The following CHD1L variants were observed in gnomAD, a reference collection of about 807,000 sequenced individuals.
The protein encoded by CHD1L is chromodomain helicase DNA binding protein 1 like, also known as ATP-dependent chromatin remodeler CHD1L.
CHD1L carries 118 observed loss-of-function variants against 115.9 expected under a neutral mutation model. The ratio of observed to expected loss-of-function variants is 1.02; its 90% CI spans 0.88 to 1.19. The LOEUF is 1.19. Ranked by LOEUF, CHD1L falls within the 50% of genes most tolerant of loss-of-function variation. The pLI, the probability that CHD1L is intolerant of heterozygous loss-of-function variation, is 0.00. For missense variants in CHD1L, 1,179 were observed against 1,065.3 expected (o/e 1.11, Z -1.49); for synonymous variants, 411 against 387.1 (o/e 1.06, Z -0.72).
chr1:147,216,498 G>C, the CHD1L span, among the ~76,000 whole-genome samples: 1 of 152,136 alleles, frequency 6.6e-6, no homozygotes, highest in Non-Finnish European at 1.5e-5. Context: ...ACTGGAAAGA[G>C]TATAACATCT....
the CHD1L span, chr1:147,204,560 C>T: frequency 1.9e-6 from 3 of 1,587,518 alleles, no homozygotes; most frequent in South Asian, 1.1e-5. Flanking sequence ...ACCTCTGAAA[C>T]TGACAGGCCA....
intron 20 of CHD1L, among the ~76,000 whole-genome samples, chr1:147,291,960 G>T (rs1210406301): frequency 6.6e-6 from 1 of 151,900 alleles, no homozygotes; most frequent in Non-Finnish European, 1.5e-5. Flanking sequence ...GTAAACATGA[G>T]GTACGGGGGG....
the CHD1L span, chr1:147,215,818 T>A: frequency 6.2e-7 from 1 of 1,613,866 alleles, no homozygotes; most frequent in Non-Finnish European, 8.5e-7. Flanking sequence ...CTCCAGGACC[T>A]GGGCATTATG....
At chr1:147,233,567 G>A in the CHD1L span, among the ~76,000 whole-genome samples, 1 of 152,018 alleles carries the variant, frequency 6.6e-6, no homozygotes, top group Non-Finnish European at 1.5e-5. Flanking sequence ...AAGCCCCTCT[G>A]CCCGGCCACC....
the CHD1L span, chr1:147,201,631 G>T: frequency 1.5e-6 from 1 of 677,846 alleles, no homozygotes; most frequent in Non-Finnish European, 2.5e-6. Context: ...TATGCATGAA[G>T]TTTGGAAAAG....
chr1:147,247,270 A>G (rs1252156584), intron 1 of CHD1L, among the ~76,000 whole-genome samples: 2 of 152,092 alleles, frequency 1.3e-5, no homozygotes, highest in Non-Finnish European at 2.9e-5. Flanking sequence ...CCCACCAAAT[A>G]TCATGTTGAA....
chr1:147,288,161 C>A (rs1343193683), intron 19 of CHD1L, among the ~76,000 whole-genome samples: 2 of 151,402 alleles, frequency 1.3e-5, no homozygotes, highest in African/African-American at 4.9e-5. Flanking sequence ...CCTGTCTCTA[C>A]CAAAAATTTA....
chr1:147,281,633 T>G (rs587705750), intron 15 of CHD1L, among the ~76,000 whole-genome samples: 1 of 152,294 alleles, frequency 6.6e-6, no homozygotes, highest in East Asian at 1.9e-4. Flanking sequence ...TGTTCTCTGC[T>G]TATTGTTTTA....
the CHD1L span, among the ~76,000 whole-genome samples, chr1:147,198,962 A>G: frequency 5.9e-4 from 89 of 151,836 alleles, no homozygotes; most frequent in African/African-American, 2.1e-3. Flanking sequence ...ACTTCTTGTG[A>G]TCCAGAGATT....
At chr1:147,261,939 T>TA (rs1209297868) in intron 6 of CHD1L, among the ~76,000 whole-genome samples, 1 of 152,090 alleles carries the variant, frequency 6.6e-6, no homozygotes, top group African/African-American at 2.4e-5. Flanking sequence ...CTCACGCCTG[T>TA]AATCCCAGCA....
the CHD1L span, among the ~76,000 whole-genome samples, chr1:147,174,002 T>A: frequency 6.6e-6 from 1 of 152,342 alleles, no homozygotes; most frequent in East Asian, 1.9e-4. Flanking sequence ...GAACCCCAAG[T>A]TACATAGGCC....
At chr1:147,199,473 G>A in the CHD1L span, among the ~76,000 whole-genome samples, 4 of 152,112 alleles carry the variant, frequency 2.6e-5, no homozygotes, top group Non-Finnish European at 5.9e-5. Flanking sequence ...AGGAAGCTGG[G>A]CTTTTTGTAC....
At chr1:147,188,949 G>T in the CHD1L span, among the ~76,000 whole-genome samples, 1 of 152,054 alleles carries the variant, frequency 6.6e-6, no homozygotes, top group African/African-American at 2.4e-5. Flanking sequence ...GTGAGAAGAA[G>T]GAAAATGAAG....
Position 147,285,431 on chromosome 1 carries a change from A to G in CHD1L, c.1962A>G (p.Arg654=), listed in dbSNP as rs150176851. ...AAAGACAAGAAGCAGCTGCCAAGAG[A>G]AGGAGACTCATAGAGGAGAAGAAGA... ...QKKRQEAAAK[R]RRLIEEKKRQ... is the part of the protein sequence containing the mutation. The change falls in exon 17 of 23, where the codon AGA becomes AGG. Residue 654 remains arginine (R), a synonymous_variant. Transcript: ENST00000369258. 968 of 1,614,012 alleles carry G rather than the reference A, an allele frequency of 6.0e-4. 2 individuals carry two copies. The Middle Eastern group carries it at 6.5e-3, about 11-fold the overall frequency.
chr1:147,180,027 T>A, the CHD1L span, among the ~76,000 whole-genome samples: 1 of 152,132 alleles, frequency 6.6e-6, no homozygotes, highest in Non-Finnish European at 1.5e-5. Flanking sequence ...CTTATTTTGA[T>A]AATTGTCATA....
At chr1:147,278,374 A>G (rs1478740319) in intron 14 of CHD1L, among the ~76,000 whole-genome samples, 1 of 150,562 alleles carries the variant, frequency 6.6e-6, no homozygotes, top group Non-Finnish European at 1.5e-5. Context: ...ACAGGCGCGC[A>G]CCACCACGCC....
At chr1:147,275,596 T>G (rs1678088568) in intron 13 of CHD1L, 128 bp downstream of exon 13, 5 of 682,832 alleles carry the variant, frequency 7.3e-6, no homozygotes, top group Admixed American at 2.4e-5. Context: ...TTAGCTCATC[T>G]GTGCTATTGA....
At chr1:147,204,463 A>C in the CHD1L span, 1 of 1,394,276 alleles carries the variant, frequency 7.2e-7, no homozygotes, top group Non-Finnish European at 1.0e-6. Flanking sequence ...GACTTCATCA[A>C]CATCTCGAAG....
chr1:147,193,819 G>C, the CHD1L span, among the ~76,000 whole-genome samples: 3 of 152,118 alleles, frequency 2.0e-5, no homozygotes, highest in Non-Finnish European at 1.5e-5. Flanking sequence ...GAGTGGTTTT[G>C]AGTGAGTTTT....
Sources: gnomAD v4.1 joint callset for allele counts (sites outside exome capture counted in the v4.1 genomes callset) on GRCh38, gnomAD v4.1.1 for gene constraint, MANE v1.5 for transcripts, NCBI Gene and HGNC (gene_info 2026-07-23, HGNC 2026-07-21) for gene names.